ARFGEF3: variants seen among roughly 807,000 people sequenced by gnomAD.
ARFGEF3 encodes the protein ARFGEF family member 3.
ARFGEF3 carries 96 observed loss-of-function variants against 221.7 expected under a neutral mutation model. The ratio of observed to expected loss-of-function variants is 0.43; its 90% CI spans 0.37 to 0.51. The LOEUF is 0.51. ARFGEF3 is among the 20% of genes least tolerant of loss of function. ARFGEF3 has a pLI of 0.00. For missense variants in ARFGEF3, 2,410 were observed against 2,789.9 expected, an observed-to-expected ratio of 0.86 and a Z score of 3.07; for synonymous variants, 1,145 against 1,126.8, an observed-to-expected ratio of 1.02 and a Z score of -0.32.
intron 2 of ARFGEF3, among the ~76,000 whole-genome samples, chr6:138,173,216 TG>T (rs1271984436): frequency 9.2e-5 from 14 of 152,236 alleles, no homozygotes; most frequent in Middle Eastern, 3.4e-3. Flanking sequence ...ATTTCAAAAG[TG>T]ATATGTTTTA....
Position 138,308,873 on chromosome 6 carries a change from C to G in ARFGEF3, c.4096+12C>G, listed in dbSNP as rs754735488. On this transcript the variant is annotated intron_variant, in intron 24 of 33. Coordinates refer to ENST00000251691, the MANE Select transcript of ARFGEF3 (RefSeq NM_020340.5). The stretch of plus-strand genomic sequence containing the variant: ...TGTCAAAGGACTGGGTAAGCAGAAC[C>G]CTTCTCTCATGCCTTGTAACTGCTG... 6.2e-6 allele frequency: 10 copies of G among 1,613,734 alleles called. No individual in the cohort carries two copies. Among genetic ancestry groups the G allele is most frequent in the Non-Finnish European group, 8.5e-6 (10 of 1,179,854 alleles).
intron 12 of ARFGEF3, among the ~76,000 whole-genome samples, chr6:138,265,745 T>C (rs537895241): frequency 1.3e-5 from 2 of 152,306 alleles, no homozygotes; most frequent in East Asian, 3.9e-4. Context: ...GTACAGCTTA[T>C]TCTCAATAAA....
chr6:138,268,739 C>A (rs1035439588), intron 12 of ARFGEF3, among the ~76,000 whole-genome samples: 1 of 152,182 alleles, frequency 6.6e-6, no homozygotes, highest in South Asian at 2.1e-4. Flanking sequence ...CAAGGGTCAT[C>A]GGCACTGACT....
At chr6:138,168,941 C>G (rs1776772914) in intron 1 of ARFGEF3, among the ~76,000 whole-genome samples, 1 of 152,192 alleles carries the variant, frequency 6.6e-6, no homozygotes, top group South Asian at 2.1e-4. Context: ...AGCCCAGGAC[C>G]TGGTTCAGTG....
intron 1 of ARFGEF3, among the ~76,000 whole-genome samples, chr6:138,169,473 G>A (rs1025127348): frequency 6.6e-5 from 10 of 152,096 alleles, no homozygotes; most frequent in East Asian, 3.9e-4. Flanking sequence ...TCTGTCCTGC[G>A]GGAAAACCAT....
chr6:138,286,684 A>T lies in ARFGEF3; in HGVS notation c.2570-17A>T. The T allele has an allele frequency of 6.2e-7, 1 of 1,611,380 alleles. No homozygotes were observed. The highest frequency in any genetic ancestry group is 8.5e-7 in the Non-Finnish European group (1 of 1,177,720). Reference sequence around the variant, plus strand: ...TTTTTGTCTCTAGAAAATGACACACACCCCTCCATGTTCCAGGCGTGGCAT... The same window carrying T: ...TTTTTGTCTCTAGAAAATGACACACTCCCCTCCATGTTCCAGGCGTGGCAT... On this transcript the variant is annotated splice_polypyrimidine_tract_variant and intron_variant, in intron 15 of 33. Coordinates refer to ENST00000251691, the MANE Select transcript of ARFGEF3 (RefSeq NM_020340.5).
At chr6:138,190,889 C>T (rs1224526591) in intron 2 of ARFGEF3, among the ~76,000 whole-genome samples, 1 of 152,136 alleles carries the variant, frequency 6.6e-6, no homozygotes, top group Admixed American at 6.5e-5. Context: ...TCTTTGTTCC[C>T]TGTGGTGGAG....
intron 2 of ARFGEF3, among the ~76,000 whole-genome samples, chr6:138,193,092 C>G (rs190158243): frequency 6.6e-6 from 1 of 152,338 alleles, no homozygotes; most frequent in East Asian, 1.9e-4. Flanking sequence ...CAAAAGCTGG[C>G]TCAAAGCTCC....
intron 8 of ARFGEF3, among the ~76,000 whole-genome samples, chr6:138,252,921 A>G (rs575083971): frequency 5.0e-4 from 76 of 152,260 alleles, no homozygotes; most frequent in Admixed American, 3.6e-3. Flanking sequence ...GTTAATCTGG[A>G]TATTAGGAAT....
chr6:138,255,693 T>G lies in ARFGEF3; in HGVS notation c.1028T>G (p.Leu343Arg). The stretch of plus-strand genomic sequence containing the variant: ...TCTGTGGACTCCATGAAGCCCGTGC[T>G]CCAGTCCCTCTACCACCGAGTGCTG... ...VGSVDSMKPV[L>R]QSLYHRVLLY... Residue 343 changes from leucine (L) to arginine (R), a missense_variant, in exon 10 of 34, where the codon CTC (leucine) becomes CGC (arginine). Around this residue, in one of 5 missense-constraint regions of ARFGEF3, gnomAD observed 570 missense variants for 586.9 expected, o/e 0.97. Transcript: ENST00000251691. 2 of 1,612,782 alleles carry G rather than the reference T, an allele frequency of 1.2e-6. No individual in the cohort carries two copies. Among genetic ancestry groups the G allele is most frequent in the Non-Finnish European group, 1.7e-6 (2 of 1,179,340 alleles).
intron 7 of ARFGEF3, 128 bp from the exon 8 acceptor site, chr6:138,245,385 T>G: frequency 1.5e-6 from 1 of 687,272 alleles, no homozygotes. Flanking sequence ...CCTAAGGGCT[T>G]CTCCACATCT....
At chr6:138,230,945 G>A (rs72986864) in intron 5 of ARFGEF3, among the ~76,000 whole-genome samples, 1,569 of 152,228 alleles carry the variant, frequency 0.01, 14 homozygotes, top group Non-Finnish European at 0.017. Context: ...TCTGAAAATA[G>A]CAAGAAGCAG....
At chr6:138,253,393 A>T in intron 8 of ARFGEF3, among the ~76,000 whole-genome samples, 1 of 152,186 alleles carries the variant, frequency 6.6e-6, no homozygotes, top group African/African-American at 2.4e-5. Context: ...TACCTTAAAC[A>T]AGAGTTTATT....
chr6:138,283,567 G>A (rs546569177), intron 14 of ARFGEF3, among the ~76,000 whole-genome samples: 16 of 152,200 alleles, frequency 1.1e-4, no homozygotes, highest in Non-Finnish European at 2.1e-4. Context: ...CCTAGAGTTT[G>A]GAGACTTCTA....
intron 2 of ARFGEF3, among the ~76,000 whole-genome samples, chr6:138,196,340 C>T (rs1583005532): frequency 1.3e-5 from 2 of 152,256 alleles, no homozygotes; most frequent in East Asian, 3.8e-4. Context: ...CTACTATACA[C>T]CTAGGCTGTA....
At chr6:138,272,796 G>C (rs1473804996) in intron 12 of ARFGEF3, among the ~76,000 whole-genome samples, 1 of 152,246 alleles carries the variant, frequency 6.6e-6, no homozygotes, top group South Asian at 2.1e-4. Context: ...GAGTGCTCTT[G>C]TGCACAGTTG....
At chr6:138,320,368 T>TTGA (rs1395501520) in intron 28 of ARFGEF3, among the ~76,000 whole-genome samples, 4 of 152,076 alleles carry the variant, frequency 2.6e-5, no homozygotes, top group Non-Finnish European at 5.9e-5. Context: ...TTTCTTAATA[T>TTGA]TGATGGCACT....
intron 2 of ARFGEF3, among the ~76,000 whole-genome samples, chr6:138,174,324 A>G (rs1415092738): frequency 6.6e-6 from 1 of 152,040 alleles, no homozygotes; most frequent in Non-Finnish European, 1.5e-5. Context: ...AAGAGGAGAC[A>G]TACAGTAATG....
At chr6:138,255,308 A>C (rs918432337) in intron 9 of ARFGEF3, 128 bp from the exon 10 acceptor site, 3 of 629,994 alleles carry the variant, frequency 4.8e-6, no homozygotes, top group Non-Finnish European at 5.4e-6. Flanking sequence ...AAACAGGCAA[A>C]ATGTAGCCAA....
Sources: gnomAD v4.1 joint callset for allele counts (sites outside exome capture counted in the v4.1 genomes callset) on GRCh38, gnomAD v4.1.1 for gene constraint, gnomAD v4.1.1 regional missense constraint, MANE v1.5 for transcripts, NCBI Gene and HGNC (gene_info 2026-07-23, HGNC 2026-07-21) for gene names.